H2AC14: variants seen among roughly 807,000 people sequenced by gnomAD.
H2AC14 encodes the protein histone cluster 1, H2aj.
A neutral mutation model predicts 5.7 loss-of-function variants in H2AC14; 6 were observed. That is an observed-to-expected ratio of 1.05 (90% CI 0.57 to 2.07). The LOEUF (loss-of-function observed/expected upper bound fraction) is 2.07, where lower values mean the gene tolerates loss of function less well. Among genes scored for constraint, H2AC14 ranks in the 30% most tolerant of loss-of-function variants. The pLI is 0.00. For synonymous variants in H2AC14, 121 were observed against 79.3 expected (o/e 1.53, Z -2.80); for missense variants, 136 against 174.6 (o/e 0.78, Z 1.25).
In H2AC14 at chr6:27,814,349, G is replaced by C. The variant is rs776064316; in HGVS notation, c.*5C>G. ...TTTGTTTTTATGCGCTTTTCAACTC[G>C]GTCTTTACTTAGTCTTGTGGTGGCT... On this transcript the variant is annotated 3_prime_UTR_variant, in exon 1 of 1. Transcript: ENST00000333151. 2.1e-5 allele frequency: 34 copies of C among 1,610,922 alleles called. No individual in the cohort carries two copies. Among genetic ancestry groups the C allele is most frequent in the Non-Finnish European group, 2.7e-5 (32 of 1,178,576 alleles).
At position 27,814,769 on chromosome 6, in the gene H2AC14, A is replaced by G. The variant is rs1182041877; in HGVS notation, c.-29T>C. On this transcript the variant is annotated 5_prime_UTR_variant, in exon 1 of 1. Coordinates refer to ENST00000333151, the MANE Select transcript of H2AC14 (RefSeq NM_021066.3). ...AAAAGGTCTATTACCTTTACGGTCA[A>G]GAAAGACTGAAATGAAATTGGAAAA... is the stretch of plus-strand genomic sequence containing the variant. 7.2e-6 allele frequency: 11 copies of G among 1,524,116 alleles called. No homozygotes were observed. The highest frequency in any genetic ancestry group is 7.0e-5 in the African/African-American group (5 of 71,844). The allele number at this position is 1,524,116 out of a possible 1,614,324, so 94.4% of individuals were successfully genotyped here.
Position 27,814,392 on chromosome 6 carries a change from G to A in H2AC14, c.349C>T (p.Leu117=), listed in dbSNP as rs1323698400. The A allele has an allele frequency of 3.1e-6, 5 of 1,614,086 alleles. No homozygotes were observed. Among genetic ancestry groups the A allele is most frequent in the African/African-American group, 2.7e-5 (2 of 74,918 alleles). Reference sequence around the variant, plus strand: ...TGGTGGCTCTCAGTTTTCTTTGGCAGCAGCACGGCCTGGATGTTGGGCAGG... The same window carrying A: ...TGGTGGCTCTCAGTTTTCTTTGGCAACAGCACGGCCTGGATGTTGGGCAGG... ...GVLPNIQAVL[L]PKKTESHHKT... is the part of the protein sequence containing the mutation. Residue 117 remains leucine (L), a synonymous_variant, in exon 1 of 1, where the codon CTG becomes TTG. Coordinates refer to ENST00000333151, the MANE Select transcript of H2AC14 (RefSeq NM_021066.3).
Position 27,814,750 on chromosome 6 carries a change from T to C in H2AC14, c.-10A>G, listed in dbSNP as rs401763. The C allele has an allele frequency of 0.085, 121,312 of 1,425,932 alleles. 11,234 individuals are homozygous for C. Among genetic ancestry groups the C allele is most frequent in the African/African-American group, 0.17 (11,728 of 69,160 alleles). The allele number at this position is 1,425,932 out of a possible 1,614,324, so 88.3% of individuals were successfully genotyped here. ...TACCACGCCCAGACATGGCAAAAGG[T>C]CTATTACCTTTACGGTCAAGAAAGA... On this transcript the variant is annotated 5_prime_UTR_variant, in exon 1 of 1. Coordinates refer to ENST00000333151, the MANE Select transcript of H2AC14 (RefSeq NM_021066.3).
Position 27,814,599 on chromosome 6 carries a change from CT to C in H2AC14, c.141del (p.Ala48ArgfsTer12). 2 of 1,594,608 alleles carry C rather than the reference CT, an allele frequency of 1.3e-6. No individual in the cohort carries two copies. Among genetic ancestry groups the C allele is most frequent in the Non-Finnish European group, 1.7e-6 (2 of 1,168,342 alleles). On this transcript the variant is annotated frameshift_variant, in exon 1 of 1. Coordinates refer to ENST00000333151, the MANE Select transcript of H2AC14 (RefSeq NM_021066.3). LOFTEE classifies it high-confidence loss of function. ...AGCACCGCCGCCAGGTACACCGGCG[CT>C]CCAGCACCGACCCGCTCCGCATAGT... ...KGNYAERVGAGAPVYLAAVLE... is the reference protein window; with the variant it reads ...KGNYAERVGAXAPVYLAAVLE...
Position 27,814,694 on chromosome 6 carries a change from T to C in H2AC14, c.47A>G (p.Lys16Arg). 6.4e-7 allele frequency: 1 copy of C among 1,559,488 alleles called. No homozygotes were observed. Among genetic ancestry groups the C allele is most frequent in the Non-Finnish European group, 8.7e-7 (1 of 1,155,378 alleles). Residue 16 changes from lysine to arginine, a missense_variant, in exon 1 of 1, where the codon AAG becomes AGG. Physicochemically the swap from Lys to Arg is conservative, Grantham distance 26. Around this residue, in one of 2 missense-constraint regions of H2AC14, gnomAD observed 36 missense variants for 22.3 expected, o/e 1.62. Coordinates refer to ENST00000333151, the MANE Select transcript of H2AC14 (RefSeq NM_021066.3). ...AAGCCCGGCCCGAGAAGAGCGGGTC[T>C]TGGCCTTGGCGCGAGCTTTGCCTCC... ...KQGGKARAKA[K>R]TRSSRAGLQF...
rs1760627093 is a variant in H2AC14 at position 27,814,761 on chromosome 6, T to G, written c.-21A>C. On this transcript the variant is annotated 5_prime_UTR_variant, in exon 1 of 1. Transcript: ENST00000333151. The stretch of plus-strand genomic sequence containing the variant: ...GACATGGCAAAAGGTCTATTACCTT[T>G]ACGGTCAAGAAAGACTGAAATGAAA... The G allele has an allele frequency of 1.3e-6, 2 of 1,530,392 alleles. No homozygotes were observed. The highest frequency in any genetic ancestry group is 1.8e-6 in the Non-Finnish European group (2 of 1,141,458). The allele number at this position is 1,530,392 out of a possible 1,614,324, so 94.8% of individuals were successfully genotyped here.
Position 27,814,743 on chromosome 6 carries a change from C to G in H2AC14, c.-3G>C, listed in dbSNP as rs777300426. ...CCCTGCTTACCACGCCCAGACATGG[C>G]AAAAGGTCTATTACCTTTACGGTCA... On this transcript the variant is annotated 5_prime_UTR_variant, in exon 1 of 1. Coordinates refer to ENST00000333151, the MANE Select transcript of H2AC14 (RefSeq NM_021066.3). 2 of 1,553,502 alleles carry G rather than the reference C, an allele frequency of 1.3e-6. No homozygotes were observed. The highest frequency in any genetic ancestry group is 2.3e-5 in the East Asian group (1 of 44,438).
rs41269269 is a variant in H2AC14, at chr6:27,814,741, G to A, written c.-1C>T. ...CTCCCTGCTTACCACGCCCAGACAT[G>A]GCAAAAGGTCTATTACCTTTACGGT... On this transcript the variant is annotated 5_prime_UTR_variant, in exon 1 of 1. Coordinates refer to ENST00000333151, the MANE Select transcript of H2AC14 (RefSeq NM_021066.3). 3,218 of 1,553,860 alleles carry A rather than the reference G, an allele frequency of 2.1e-3. 8 individuals carry two copies. Among genetic ancestry groups the A allele is most frequent in the Non-Finnish European group, 2.5e-3 (2,863 of 1,152,722 alleles).
In H2AC14 at chr6:27,814,719, C is replaced by T. The variant is rs746917088; in HGVS notation, c.22G>A (p.Gly8Arg). ...TTGGCCTTGGCGCGAGCTTTGCCTC[C>T]CTGCTTACCACGCCCAGACATGGCA... is the stretch of plus-strand genomic sequence containing the variant. MSGRGKQ[G>R]GKARAKAKTR... Residue 8 changes from glycine to arginine, a missense_variant, in exon 1 of 1, where the codon GGA becomes AGA. Physicochemically the swap from Gly to Arg is moderately radical, Grantham distance 125. Transcript: ENST00000333151. The T allele has an allele frequency of 3.8e-6, 6 of 1,566,612 alleles. No homozygotes were observed. The highest frequency in any genetic ancestry group is 2.0e-5 in the Admixed American group (1 of 51,134).
At position 27,814,676 on chromosome 6, in the gene H2AC14, G is replaced by A; in HGVS notation, c.65C>T (p.Ala22Val). The change falls in exon 1 of 1, where the codon GCC becomes GTC. Residue 22 changes from alanine (A) to valine (V), a missense_variant. By Grantham distance (64) the Ala-to-Val change is moderately conservative (BLOSUM62 0). This residue lies in a region of H2AC14 where 100 missense variants were observed against 152.3 expected (regional missense o/e 0.66). Transcript: ENST00000333151. The part of the protein sequence containing the change: ...RAKAKTRSSR[A>V]GLQFPVGRVH... The stretch of plus-strand genomic sequence containing the variant: ...TCGGCCTACGGGAAACTGAAGCCCG[G>A]CCCGAGAAGAGCGGGTCTTGGCCTT... 4 of 1,550,588 alleles carry A rather than the reference G, an allele frequency of 2.6e-6. No homozygotes were observed. Among genetic ancestry groups the A allele is most frequent in the South Asian group, 1.3e-5 (1 of 79,762 alleles).
rs1409036642 is a variant in H2AC14, at chr6:27,814,446, C to T, written c.295G>A (p.Gly99Ser). Residue 99 changes from glycine to serine, a missense_variant, in exon 1 of 1, where the codon GGC becomes AGC. Physicochemically the swap from Gly to Ser is moderately conservative, Grantham distance 56. This residue lies in a region of H2AC14 where 100 missense variants were observed against 152.3 expected (regional missense o/e 0.66). Coordinates refer to ENST00000333151, the MANE Select transcript of H2AC14 (RefSeq NM_021066.3). ...CCACCCTGTGCGATGGTGACTTTGCCCAGAAGCTTGTTGAGCTCCTCATCG... is the reference window on the plus strand; with the variant it reads ...CCACCCTGTGCGATGGTGACTTTGCTCAGAAGCTTGTTGAGCTCCTCATCG... ...RNDEELNKLL[G>S]KVTIAQGGVL... is the part of the protein sequence containing the mutation. 4 of 1,614,058 alleles carry T rather than the reference C, an allele frequency of 2.5e-6. No homozygotes were observed.
Position 27,814,600 on chromosome 6 carries a change from T to C in H2AC14, c.141A>G (p.Gly47=). The stretch of plus-strand genomic sequence containing the variant: ...GCACCGCCGCCAGGTACACCGGCGC[T>C]CCAGCACCGACCCGCTCCGCATAGT... The part of the protein sequence containing the change: ...KGNYAERVGA[G]APVYLAAVLE... The change falls in exon 1 of 1, where the codon GGA becomes GGG. Residue 47 remains glycine (G), a synonymous_variant. Transcript: ENST00000333151. The C allele has an allele frequency of 2.5e-6, 4 of 1,593,992 alleles. No individual in the cohort carries two copies. The highest frequency in any genetic ancestry group is 1.7e-6 in the Non-Finnish European group (2 of 1,168,088).
In H2AC14 at chr6:27,814,372, GCT is replaced by G. The variant is rs2113881049; in HGVS notation, c.367_368del (p.Ser123ProfsTer5). 2 of 1,614,152 alleles carry G rather than the reference GCT, an allele frequency of 1.2e-6. No individual in the cohort carries two copies. Among genetic ancestry groups the G allele is most frequent in the East Asian group, 2.2e-5 (1 of 44,882 alleles). On this transcript the variant is annotated frameshift_variant, in exon 1 of 1. Coordinates refer to ENST00000333151, the MANE Select transcript of H2AC14 (RefSeq NM_021066.3). LOFTEE classifies it high-confidence loss of function. ...TCGGTCTTTACTTAGTCTTGTGGTG[GCT>G]CTCAGTTTTCTTTGGCAGCAGCACG... ...QAVLLPKKTE[S>X]HHKTK
In H2AC14 at chr6:27,814,467, C is replaced by A; in HGVS notation, c.274G>T (p.Glu92Ter). The change falls in exon 1 of 1, where the codon GAG becomes TAG. Residue 92 changes from glutamate to a stop codon, truncating the protein, a stop_gained. Transcript: ENST00000333151. LOFTEE classifies it high-confidence loss of function. ...TTGCCCAGAAGCTTGTTGAGCTCCT[C>A]ATCGTTGCGGATGGCCAGCTGGAGG... The part of the protein sequence containing the change: ...RHLQLAIRND[E>*]ELNKLLGKVT... 1.2e-6 allele frequency: 2 copies of A among 1,613,626 alleles called. No homozygotes were observed. Among genetic ancestry groups the A allele is most frequent in the Non-Finnish European group, 1.7e-6 (2 of 1,179,718 alleles).
Position 27,814,638 on chromosome 6 carries a change from G to A in H2AC14, c.103C>T (p.Leu35Phe). The A allele has an allele frequency of 6.4e-7, 1 of 1,555,342 alleles. No homozygotes were observed. Among genetic ancestry groups the A allele is most frequent in the South Asian group, 1.2e-5 (1 of 81,800 alleles). The change falls in exon 1 of 1, where the codon CTC becomes TTC. Residue 35 changes from leucine to phenylalanine, a missense_variant. By Grantham distance (22) the Leu-to-Phe change is conservative. Coordinates refer to ENST00000333151, the MANE Select transcript of H2AC14 (RefSeq NM_021066.3). The stretch of plus-strand genomic sequence containing the variant: ...CGCTCCGCATAGTTGCCTTTGCGGA[G>A]CAGGCGATGCACTCGGCCTACGGGA... The part of the protein sequence containing the change: ...QFPVGRVHRL[L>F]RKGNYAERVG...
rs1334583849 is a variant in H2AC14, at chr6:27,814,516, C to T, written c.225G>A (p.Lys75=). ...ELAGNAARDN[K]KTRIIPRHLQ... ...GGTGACGCGGGATGATGCGAGTCTT[C>T]TTGTTGTCGCGGGCCGCGTTGCCAG... The change falls in exon 1 of 1, where the codon AAG becomes AAA. Residue 75 remains lysine, a synonymous_variant. Transcript: ENST00000333151. 129 of 1,610,216 alleles carry T rather than the reference C, an allele frequency of 8.0e-5. No individual in the cohort carries two copies. Among genetic ancestry groups the T allele is most frequent in the Non-Finnish European group, 1.0e-4 (121 of 1,177,120 alleles).
rs1416531308 is a variant in H2AC14, at chr6:27,814,362, T to A, written c.379A>T (p.Thr127Ser). The A allele has an allele frequency of 1.2e-6, 2 of 1,613,942 alleles. No individual in the cohort carries two copies. The highest frequency in any genetic ancestry group is 3.3e-5 in the Admixed American group (2 of 60,004). The change falls in exon 1 of 1, where the codon ACT becomes TCT. Residue 127 changes from threonine (T) to serine (S), a missense_variant. By Grantham distance (58) the Thr-to-Ser change is moderately conservative. This residue lies in a region of H2AC14 where 100 missense variants were observed against 152.3 expected (regional missense o/e 0.66). Coordinates refer to ENST00000333151, the MANE Select transcript of H2AC14 (RefSeq NM_021066.3). ...GCTTTTCAACTCGGTCTTTACTTAG[T>A]CTTGTGGTGGCTCTCAGTTTTCTTT... ...LPKKTESHHK[T>S]K
chr6:27,814,724 T>G lies in H2AC14; in HGVS notation c.17A>C (p.Lys6Thr). 1 of 1,567,076 alleles carries G rather than the reference T, an allele frequency of 6.4e-7. No homozygotes were observed. Among genetic ancestry groups the G allele is most frequent in the Non-Finnish European group, 8.6e-7 (1 of 1,158,320 alleles). Residue 6 changes from lysine to threonine, a missense_variant, in exon 1 of 1, where the codon AAG (lysine) becomes ACG (threonine). Physicochemically the swap from Lys to Thr is moderately conservative, Grantham distance 78. Around this residue, in one of 2 missense-constraint regions of H2AC14, gnomAD observed 36 missense variants for 22.3 expected, o/e 1.62. Transcript: ENST00000333151. MSGRG[K>T]QGGKARAKAK... Reference sequence around the variant, plus strand: ...CTTGGCGCGAGCTTTGCCTCCCTGCTTACCACGCCCAGACATGGCAAAAGG... The same window carrying G: ...CTTGGCGCGAGCTTTGCCTCCCTGCGTACCACGCCCAGACATGGCAAAAGG...
In H2AC14 at chr6:27,814,310, C is replaced by T. The variant is rs545258692; in HGVS notation, c.*44G>A. On this transcript the variant is annotated 3_prime_UTR_variant, in exon 1 of 1. Coordinates refer to ENST00000333151, the MANE Select transcript of H2AC14 (RefSeq NM_021066.3). The stretch of plus-strand genomic sequence containing the variant: ...CATCTTTTTATGATTGTTGAAGTGG[C>T]TCTGAAAAGAGCCTTTGTTTTTATG... The T allele has an allele frequency of 1.3e-5, 20 of 1,596,556 alleles. No individual in the cohort carries two copies. In the South Asian group the frequency reaches 2.0e-4, roughly 16 times the overall value.
Sources: allele counts gnomAD v4.1 joint callset, GRCh38; gene constraint gnomAD v4.1.1; regional missense constraint gnomAD v4.1.1; transcripts MANE v1.5; gene names NCBI Gene and HGNC (gene_info 2026-07-23, HGNC 2026-07-21).